The following EBAG9 variants were observed in gnomAD, a reference collection of about 807,000 sequenced individuals.
The protein encoded by EBAG9 is estrogen receptor binding site associated antigen 9.
A neutral mutation model predicts 30.9 loss-of-function variants in EBAG9; 16 were observed. That is an observed-to-expected ratio of 0.52 (90% CI 0.35 to 0.79). The LOEUF (loss-of-function observed/expected upper bound fraction) is 0.79, where lower values mean the gene tolerates loss of function less well. Ranked by LOEUF, EBAG9 falls within the 30% of genes least tolerant of loss-of-function variation. The probability of loss-of-function intolerance (pLI) is 0.01; values close to 1 mark genes in which losing one functional copy is unlikely to be tolerated. For missense variants in EBAG9, 197 were observed against 242.1 expected, an observed-to-expected ratio of 0.81 and a Z score of 1.24; for synonymous variants, 93 against 82.8, an observed-to-expected ratio of 1.12 and a Z score of -0.67.
chr8:109,540,563 T>G (rs1449986939), intron 1 of EBAG9, 102 bp downstream of exon 1: 1 of 152,208 alleles, frequency 6.6e-6, no homozygotes, highest in Admixed American at 6.5e-5. Flanking sequence ...GAGACCTTAC[T>G]CCGCCTTCGG....
chr8:109,545,318 T>C (rs1292823132), intron 1 of EBAG9, among the ~76,000 whole-genome samples: 1 of 106,260 alleles, frequency 9.4e-6, no homozygotes, highest in African/African-American at 5.7e-5. Flanking sequence ...CGAGACTGTG[T>C]CTCAAAAAAA....
chr8:109,543,794 G>T (rs1336646512), intron 1 of EBAG9, among the ~76,000 whole-genome samples: 3 of 152,160 alleles, frequency 2.0e-5, no homozygotes, highest in African/African-American at 7.2e-5. Context: ...ACTTTGGGAG[G>T]CTGAGGCAGG....
chr8:109,565,269 T>C lies in EBAG9; in HGVS notation c.*710T>C, dbSNP rs1175551585. ...AACTAAAATGACATTTGTTCTACAT[T>C]ATAACTTGTGAGTTTCAAGAACTAG... is the stretch of plus-strand genomic sequence containing the variant. On this transcript the variant is annotated 3_prime_UTR_variant, in exon 7 of 7. Transcript: ENST00000337573. 2.0e-5 allele frequency: 3 copies of C among 152,516 alleles called. No homozygotes were observed. Among genetic ancestry groups the C allele is most frequent in the African/African-American group, 7.2e-5 (3 of 41,450 alleles). The allele number at this position is 152,516 out of a possible 1,614,324, so 9.4% of individuals were successfully genotyped here. A position where few individuals can be genotyped will look rare whatever the true frequency, so the allele number is the denominator to read the frequency against.
intron 1 of EBAG9, among the ~76,000 whole-genome samples, chr8:109,544,151 A>T (rs929263565): frequency 4.6e-5 from 7 of 152,166 alleles, no homozygotes; most frequent in Non-Finnish European, 1.0e-4. Context: ...TAAGGTAATT[A>T]AAAAACTAAT....
At chr8:109,559,860 G>A (rs1225041874) in intron 5 of EBAG9, among the ~76,000 whole-genome samples, 5 of 151,034 alleles carry the variant, frequency 3.3e-5, no homozygotes, top group Non-Finnish European at 7.4e-5. Flanking sequence ...TACCTACTGC[G>A]GTCAAGAGGA....
chr8:109,561,880 A>G (rs1447989971), intron 6 of EBAG9, among the ~76,000 whole-genome samples: 1 of 145,498 alleles, frequency 6.9e-6, no homozygotes, highest in Non-Finnish European at 1.5e-5. Flanking sequence ...CCTTTGAAAT[A>G]TATCAAGCCC....
chr8:109,545,791 A>G (rs955430177), intron 1 of EBAG9, among the ~76,000 whole-genome samples: 6 of 152,214 alleles, frequency 3.9e-5, no homozygotes, highest in Admixed American at 3.3e-4. Flanking sequence ...TGAGTGTGAT[A>G]TTTAAGGACT....
At chr8:109,544,033 TAAA>T (rs11337681) in intron 1 of EBAG9, among the ~76,000 whole-genome samples, 2,035 of 125,824 alleles carry the variant, frequency 0.016, 53 homozygotes, top group African/African-American at 0.055. Flanking sequence ...CTATCTCAAT[TAAA>T]AAAAAAAAAA....
At chr8:109,543,856 C>A (rs896267780) in intron 1 of EBAG9, among the ~76,000 whole-genome samples, 1 of 151,966 alleles carries the variant, frequency 6.6e-6, no homozygotes, top group Non-Finnish European at 1.5e-5. Context: ...CATGGCGAAA[C>A]CCCGTCTCTA....
chr8:109,560,848 G>T lies in EBAG9; in HGVS notation c.440G>T (p.Gly147Val), dbSNP rs1821696386. 2 of 1,612,202 alleles carry T rather than the reference G, an allele frequency of 1.2e-6. No individual in the cohort carries two copies. The highest frequency in any genetic ancestry group is 2.2e-5 in the East Asian group (1 of 44,806). Residue 147 changes from glycine (G) to valine (V), a missense_variant, in exon 6 of 7, where the codon GGT becomes GTT. Physicochemically the swap from Gly to Val is moderately radical, Grantham distance 109. Coordinates refer to ENST00000337573, the MANE Select transcript of EBAG9 (RefSeq NM_004215.5). The stretch of plus-strand genomic sequence containing the variant: ...TACTTTTCATTGTAGTCTGAATTAG[G>T]TGACTTAGATACCTGGCAGGAAAAT... ...LPFIHQSSEL[G>V]DLDTWQENTN...
At chr8:109,557,291 A>G (rs575670506) in intron 5 of EBAG9, among the ~76,000 whole-genome samples, 2 of 152,332 alleles carry the variant, frequency 1.3e-5, no homozygotes, top group South Asian at 4.1e-4. Context: ...ATGTTATTTA[A>G]AAATATAAAC....
chr8:109,548,880 C>CTTTTTTTTTTTT (rs1821437284), intron 1 of EBAG9, among the ~76,000 whole-genome samples: 1 of 136,450 alleles, frequency 7.3e-6, no homozygotes, highest in Admixed American at 7.1e-5. Flanking sequence ...CTATTTTTTT[C>CTTTTTTTTTTTT]TTTTTTCTTT....
chr8:109,544,969 C>T (rs1481258427), intron 1 of EBAG9, among the ~76,000 whole-genome samples: 1 of 152,022 alleles, frequency 6.6e-6, no homozygotes, highest in African/African-American at 2.4e-5. Flanking sequence ...ATATGCAATA[C>T]ATATATAGTA....
At chr8:109,560,278 T>G (rs1419162376) in intron 5 of EBAG9, among the ~76,000 whole-genome samples, 1 of 152,186 alleles carries the variant, frequency 6.6e-6, no homozygotes, top group Non-Finnish European at 1.5e-5. Context: ...TAGAAGTATT[T>G]CATTAAAGAT....
intron 1 of EBAG9, among the ~76,000 whole-genome samples, chr8:109,543,844 A>G (rs556657169): frequency 6.6e-4 from 101 of 152,210 alleles, no homozygotes; most frequent in African/African-American, 2.3e-3. Context: ...CAGCCTAGCC[A>G]ACATGGCGAA....
intron 4 of EBAG9, among the ~76,000 whole-genome samples, chr8:109,555,169 T>C (rs1821573450): frequency 6.6e-6 from 1 of 151,832 alleles, no homozygotes; most frequent in South Asian, 2.1e-4. Context: ...GTGTATGATG[T>C]TCCCCTTCCT....
At chr8:109,553,652 ATGT>A (rs1821537906) in intron 2 of EBAG9, among the ~76,000 whole-genome samples, 1 of 152,148 alleles carries the variant, frequency 6.6e-6, no homozygotes, top group Admixed American at 6.5e-5. Context: ...AAAAGCAGTT[ATGT>A]TGTTCTGTCC....
chr8:109,563,817 G>A (rs1341481758), intron 6 of EBAG9, among the ~76,000 whole-genome samples: 3 of 151,836 alleles, frequency 2.0e-5, no homozygotes, highest in Non-Finnish European at 4.4e-5. Flanking sequence ...ATCATTTAGC[G>A]CCCACTTATA....
intron 3 of EBAG9, 21 bp downstream of exon 3, chr8:109,553,964 C>T: frequency 6.4e-7 from 1 of 1,558,510 alleles, no homozygotes; most frequent in Non-Finnish European, 8.7e-7. Flanking sequence ...TTTGTGTGTT[C>T]TTTTGTTTTG....
Sources: gnomAD v4.1 joint callset for allele counts (sites outside exome capture counted in the v4.1 genomes callset) on GRCh38, gnomAD v4.1.1 for gene constraint, MANE v1.5 for transcripts, NCBI Gene and HGNC (gene_info 2026-07-23, HGNC 2026-07-21) for gene names.